The following ST3GAL1 variants were observed in gnomAD, a reference collection of about 807,000 sequenced individuals.
The protein encoded by ST3GAL1 is CMP-N-acetylneuraminate-beta-galactosamide-alpha-2,3-sialyltransferase 1.
A neutral mutation model predicts 34.1 loss-of-function variants in ST3GAL1; 16 were observed. The observed-to-expected ratio is 0.47, with a 90% CI of 0.32 to 0.71. ST3GAL1 has a LOEUF of 0.71. Ranked by LOEUF, ST3GAL1 falls within the 30% of genes least tolerant of loss-of-function variation. ST3GAL1 has a pLI of 0.04. For missense variants in ST3GAL1, 353 were observed against 447.4 expected, an observed-to-expected ratio of 0.79 and a Z score of 1.90; for synonymous variants, 191 against 184.7, an observed-to-expected ratio of 1.03 and a Z score of -0.28.
intron 1 of ST3GAL1, among the ~76,000 whole-genome samples, chr8:133,558,881 TC>T (rs1157241878): frequency 6.6e-6 from 1 of 152,170 alleles, no homozygotes; most frequent in Non-Finnish European, 1.5e-5. Flanking sequence ...GAATACGGAT[TC>T]CCGGCCGGGA....
chr8:133,513,456 T>A (rs184980791), intron 2 of ST3GAL1, among the ~76,000 whole-genome samples: 1 of 152,226 alleles, frequency 6.6e-6, no homozygotes, highest in Admixed American at 6.5e-5. Context: ...CATATTTATA[T>A]AGAAGAAAAG....
chr8:133,503,634 T>C (rs535122049), intron 2 of ST3GAL1, among the ~76,000 whole-genome samples: 70 of 152,306 alleles, frequency 4.6e-4, no homozygotes, highest in African/African-American at 1.6e-3. Flanking sequence ...TGGACTCTTC[T>C]GCCTGGCTTT....
intron 2 of ST3GAL1, among the ~76,000 whole-genome samples, chr8:133,523,844 A>ATT (rs1817882870): frequency 6.6e-6 from 1 of 152,218 alleles, no homozygotes; most frequent in African/African-American, 2.4e-5. Flanking sequence ...ATGTTGTGAC[A>ATT]CGCTTTAGCC....
chr8:133,534,848 G>A (rs1054567796), intron 2 of ST3GAL1, among the ~76,000 whole-genome samples: 2 of 152,212 alleles, frequency 1.3e-5, no homozygotes, highest in Non-Finnish European at 2.9e-5. Flanking sequence ...CACCAGTCTC[G>A]GTGCTGGTGA....
chr8:133,566,083 T>G (rs1749374479), intron 1 of ST3GAL1, among the ~76,000 whole-genome samples: 1 of 152,236 alleles, frequency 6.6e-6, no homozygotes. Flanking sequence ...CCCGACCATC[T>G]TATGCTGCCC....
intron 3 of ST3GAL1, among the ~76,000 whole-genome samples, chr8:133,492,728 A>G (rs36123600): frequency 0.061 from 9,331 of 152,256 alleles, 404 homozygotes; most frequent in Middle Eastern, 0.1. Context: ...TCTCAAAAAA[A>G]TAAGATAAAA....
intron 1 of ST3GAL1, among the ~76,000 whole-genome samples, chr8:133,552,570 G>A (rs567008617): frequency 2.0e-5 from 3 of 152,164 alleles, no homozygotes; most frequent in Admixed American, 1.3e-4. Flanking sequence ...CTTTGGGTGC[G>A]GTGGCATCTC....
rs546636508 is a variant in ST3GAL1 at position 133,551,235 on chromosome 8, C to G, written c.-581-5309G>C. On this transcript the variant is annotated intron_variant, in intron 1 of 9. Coordinates refer to ENST00000522652, the MANE Select transcript of ST3GAL1 (RefSeq NM_173344.3). ...CTGTAATCCCAACACTTTGGGAGAC[C>G]GAGGCAGGTGGATCACGAGGTCAAG... Among the ~76,000 whole-genome samples the G allele has an allele frequency of 2.0e-5, 3 of 152,096 alleles. No individual in the cohort carries two copies. The East Asian group carries it at 5.8e-4, about 29-fold the overall frequency.
At chr8:133,532,446 C>T (rs1482773263) in intron 2 of ST3GAL1, among the ~76,000 whole-genome samples, 3 of 151,514 alleles carry the variant, frequency 2.0e-5, no homozygotes, top group Non-Finnish European at 2.9e-5. Flanking sequence ...GGTAACAGAG[C>T]GAGACTCTGT....
At chr8:133,538,849 C>A (rs1385099809) in intron 2 of ST3GAL1, among the ~76,000 whole-genome samples, 1 of 152,198 alleles carries the variant, frequency 6.6e-6, no homozygotes, top group Non-Finnish European at 1.5e-5. Flanking sequence ...GGGGAGGCAG[C>A]AAGGGGACTG....
intron 2 of ST3GAL1, among the ~76,000 whole-genome samples, chr8:133,537,163 C>A (rs142112978): frequency 6.6e-4 from 101 of 152,188 alleles, no homozygotes; most frequent in African/African-American, 2.2e-3. Context: ...GAAGGGCTCA[C>A]AGAACTCAGG....
chr8:133,491,792 C>A (rs1816793699), intron 3 of ST3GAL1, among the ~76,000 whole-genome samples: 1 of 152,164 alleles, frequency 6.6e-6, no homozygotes, highest in African/African-American at 2.4e-5. Context: ...CATCCCATCC[C>A]TACACACTGA....
chr8:133,539,811 G>A (rs10087020), intron 2 of ST3GAL1: 48,149 of 152,098 alleles, frequency 0.32, 9,023 homozygotes, highest in East Asian at 0.61. Context: ...CAGGAGGATC[G>A]CTTGAGCCTG....
rs1815863139 is a variant in ST3GAL1, at chr8:133,469,366, G to A, written c.307-3276C>T. ...CCCAAGCAGCTGGGATTACAGGTGT[G>A]CACCACTGTGCCTGGCTAATTTTTG... On this transcript the variant is annotated intron_variant, in intron 5 of 9. Coordinates refer to ENST00000522652, the MANE Select transcript of ST3GAL1 (RefSeq NM_173344.3). This position sits in a 1 kb window ranked among gnomAD's most constrained non-coding sequence, Gnocchi z 4.3. Among the ~76,000 whole-genome samples, 1 of 151,986 alleles carries A rather than the reference G, an allele frequency of 6.6e-6. No individual in the cohort carries two copies. The highest frequency in any genetic ancestry group is 2.4e-5 in the African/African-American group (1 of 41,368).
intron 2 of ST3GAL1, among the ~76,000 whole-genome samples, chr8:133,538,890 G>A (rs1818384190): frequency 6.6e-6 from 1 of 151,088 alleles, no homozygotes; most frequent in South Asian, 2.1e-4. Flanking sequence ...CCTTCACAGC[G>A]CAGCCCCCCA....
intron 3 of ST3GAL1, among the ~76,000 whole-genome samples, chr8:133,481,136 G>A (rs943149432): frequency 2.6e-4 from 39 of 152,312 alleles, no homozygotes; most frequent in Non-Finnish European, 3.5e-4. Context: ...TTCTGTCCTT[G>A]GCAGGCCTGG....
chr8:133,465,002 CGTTCTCAGACAGCCTGAGAG>C (rs753533899), intron 6 of ST3GAL1, 45 bp from the exon 7 acceptor site: 3 of 1,565,180 alleles, frequency 1.9e-6, no homozygotes, highest in Non-Finnish European at 2.6e-6. Context: ...CACGGGCACC[CGTTCTCAGACAGCCTGAGAG>C]CTCCGAGAGA....
In ST3GAL1 at chr8:133,509,127, T is replaced by G. The variant is rs547063219; in HGVS notation, c.-428-9938A>C. Among the ~76,000 whole-genome samples the G allele has an allele frequency of 2.0e-5, 3 of 152,348 alleles. No individual in the cohort carries two copies. The South Asian group carries it at 6.2e-4, about 32-fold the overall frequency. On this transcript the variant is annotated intron_variant, in intron 2 of 9. Coordinates refer to ENST00000522652, the MANE Select transcript of ST3GAL1 (RefSeq NM_173344.3). ...CAGTTCCTCAGATGCACTCATTAAT[T>G]AACTAATTAGTGTTCCTAACTAAAT...
chr8:133,562,777 G>GTTTC (rs67569776), intron 1 of ST3GAL1, among the ~76,000 whole-genome samples: 23 of 142,424 alleles, frequency 1.6e-4, no homozygotes, highest in African/African-American at 5.1e-4. Context: ...TAAGAAAAGG[G>GTTTC]TTTCTTTCTT....
Sources: allele counts gnomAD v4.1 joint callset (sites outside exome capture counted in the v4.1 genomes callset), GRCh38; gene constraint gnomAD v4.1.1; non-coding constraint Gnocchi (gnomAD v3.1); transcripts MANE v1.5; gene names NCBI Gene and HGNC (gene_info 2026-07-23, HGNC 2026-07-21).